The following PTPN13 variants were observed in gnomAD, a reference collection of about 807,000 sequenced individuals.
PTPN13 encodes the protein tyrosine-protein phosphatase non-receptor type 13.
A neutral mutation model predicts 284.0 loss-of-function variants in PTPN13; 191 were observed. The observed-to-expected ratio is 0.67, with a 90% CI of 0.60 to 0.76. The LOEUF (loss-of-function observed/expected upper bound fraction) is 0.76. Among genes scored for constraint, PTPN13 ranks in the 30% least tolerant of loss-of-function variants. PTPN13 has a pLI of 0.00. For missense variants in PTPN13, 2,797 were observed against 2,939.9 expected (o/e 0.95, Z 1.12); for synonymous variants, 986 against 1,022.3 (o/e 0.96, Z 0.68).
In PTPN13 at chr4:86,617,296, TA is replaced by T. The variant is rs139921638; in HGVS notation, c.-5-17955del. ...GTTGCACTGACCAGATTTTTCAAGT[TA>T]TATGTCTACAGACGGTCCTCGACTT... On this transcript the variant is annotated intron_variant, in intron 1 of 47. Transcript: ENST00000411767. Among the ~76,000 whole-genome samples the T allele has an allele frequency of 1.0e-3, 159 of 152,340 alleles. 2 individuals are homozygous for T. The East Asian group carries it at 0.03, about 29-fold the overall frequency.
chr4:86,622,294 T>G (rs1037835996), intron 1 of PTPN13, among the ~76,000 whole-genome samples: 1 of 152,210 alleles, frequency 6.6e-6, no homozygotes, highest in Non-Finnish European at 1.5e-5. Context: ...TAGATTTTTC[T>G]GCTAATTTAA....
chr4:86,602,684 T>C (rs545199855), intron 1 of PTPN13, among the ~76,000 whole-genome samples: 1 of 151,728 alleles, frequency 6.6e-6, no homozygotes, highest in East Asian at 1.9e-4. Context: ...CTACTATAAT[T>C]ATTTTTCTGA....
At chr4:86,637,946 A>C (rs1288179768) in intron 2 of PTPN13, among the ~76,000 whole-genome samples, 6 of 151,932 alleles carry the variant, frequency 3.9e-5, no homozygotes, top group African/African-American at 1.5e-4. Flanking sequence ...GTCTCAGCCC[A>C]AAATCTCCTT....
At chr4:86,721,029 T>A (rs1733595286) in intron 9 of PTPN13, among the ~76,000 whole-genome samples, 1 of 152,074 alleles carries the variant, frequency 6.6e-6, no homozygotes, top group African/African-American at 2.4e-5. Context: ...TGTGCCTCTC[T>A]GCTTGTTGAG....
At chr4:86,698,378 A>T (rs1451782630) in intron 6 of PTPN13, among the ~76,000 whole-genome samples, 2 of 152,168 alleles carry the variant, frequency 1.3e-5, no homozygotes, top group African/African-American at 4.8e-5. Flanking sequence ...GGGTCTTCTG[A>T]AATATAAGTA....
intron 5 of PTPN13, among the ~76,000 whole-genome samples, chr4:86,691,943 T>C (rs529016784): frequency 1.3e-5 from 2 of 152,318 alleles, no homozygotes; most frequent in African/African-American, 4.8e-5. Flanking sequence ...AATGTTATAA[T>C]ATTTGGACCA....
Position 86,701,453 on chromosome 4 carries a change from G to GAC in PTPN13, c.848_849insCA (p.Glu283AspfsTer48), listed in dbSNP as rs780661649. The GAC allele has an allele frequency of 8.1e-6, 13 of 1,613,160 alleles. No individual in the cohort carries two copies. Among genetic ancestry groups the GAC allele is most frequent in the Non-Finnish European group, 1.1e-5 (13 of 1,179,582 alleles). Reference sequence around the variant, plus strand: ...TTACCAGTTCAAAACTAGTGGCCCAGAAAAAAAACCCATCCCTGGCATTGA... The same window carrying GAC: ...TTACCAGTTCAAAACTAGTGGCCCAGACAAAAAAAACCCATCCCTGGCATTGA... On this transcript the variant is annotated frameshift_variant, in exon 7 of 48. Transcript: ENST00000411767. LOFTEE classifies it high-confidence loss of function.
intron 17 of PTPN13, among the ~76,000 whole-genome samples, chr4:86,747,549 GGCAGCAGCAGCAGCAGCA>G (rs78831573): frequency 1.4e-5 from 2 of 143,720 alleles, no homozygotes; most frequent in Non-Finnish European, 3.1e-5. Flanking sequence ...CAGCAGCAGC[GGCAGCAGCAGCAGCAGCA>G]GCAGCAGCAG....
intron 2 of PTPN13, among the ~76,000 whole-genome samples, chr4:86,645,844 A>C (rs1372901224): frequency 1.3e-5 from 2 of 152,158 alleles, no homozygotes; most frequent in Non-Finnish European, 2.9e-5. Flanking sequence ...TGTAAAATTC[A>C]TGTGGAAATT....
chr4:86,600,329 G>GT (rs1449061601), intron 1 of PTPN13, among the ~76,000 whole-genome samples: 3 of 147,100 alleles, frequency 2.0e-5, no homozygotes, highest in African/African-American at 7.5e-5. Flanking sequence ...CCTAATCAAA[G>GT]TTTTATTGGT....
intron 6 of PTPN13, among the ~76,000 whole-genome samples, chr4:86,701,025 T>A (rs1035497683): frequency 7.9e-5 from 12 of 152,190 alleles, no homozygotes; most frequent in African/African-American, 2.7e-4. Flanking sequence ...AGTATATTGC[T>A]TTTATTAGAT....
chr4:86,730,100 T>TG (rs1471798028), intron 10 of PTPN13, among the ~76,000 whole-genome samples: 1 of 149,762 alleles, frequency 6.7e-6, no homozygotes, highest in Non-Finnish European at 1.5e-5. Flanking sequence ...GCAGGTCTGT[T>TG]GGAGTTTGCT....
chr4:86,633,249 C>A (rs942051772), intron 1 of PTPN13, among the ~76,000 whole-genome samples: 3 of 152,166 alleles, frequency 2.0e-5, no homozygotes, highest in Non-Finnish European at 4.4e-5. Context: ...TGCTTCCTTG[C>A]CCCTCTCTTA....
At chr4:86,674,558 G>A (rs774591079) in intron 3 of PTPN13, among the ~76,000 whole-genome samples, 2 of 152,168 alleles carry the variant, frequency 1.3e-5, no homozygotes, top group African/African-American at 2.4e-5. Flanking sequence ...ACAAGAATTG[G>A]TAGAGTGAAT....
At chr4:86,705,994 A>G (rs1489323252) in intron 7 of PTPN13, among the ~76,000 whole-genome samples, 6 of 152,150 alleles carry the variant, frequency 3.9e-5, no homozygotes, top group African/African-American at 1.4e-4. Context: ...TCCTTAACCC[A>G]GGCCCCATTC....
intron 7 of PTPN13, among the ~76,000 whole-genome samples, chr4:86,704,691 A>G (rs1346891357): frequency 6.6e-6 from 1 of 152,220 alleles, no homozygotes; most frequent in African/African-American, 2.4e-5. Flanking sequence ...TTAAAAAAAA[A>G]TCTGCTTTCA....
chr4:86,766,046 T>G (rs1739274229), intron 26 of PTPN13, among the ~76,000 whole-genome samples: 1 of 152,162 alleles, frequency 6.6e-6, no homozygotes, highest in South Asian at 2.1e-4. Flanking sequence ...CAGGCTGGTC[T>G]CGAACTCCTG....
chr4:86,642,041 C>T (rs1345012124), intron 2 of PTPN13, among the ~76,000 whole-genome samples: 1 of 152,072 alleles, frequency 6.6e-6, no homozygotes, highest in East Asian at 1.9e-4. Context: ...TTGTGTGATA[C>T]ATGTGATGGC....
Position 86,722,206 on chromosome 4 carries a change from A to G in PTPN13, c.1386-6A>G, listed in dbSNP as rs1483212754. On this transcript the variant is annotated splice_region_variant and splice_polypyrimidine_tract_variant and intron_variant, in intron 9 of 47. Coordinates refer to ENST00000411767, the MANE Select transcript of PTPN13 (RefSeq NM_080683.3). Reference sequence around the variant, plus strand: ...AATCCTCACCTGTCTCCTCTTTTCTATATAGCAGACAATATGAAACACCCT... The same window carrying G: ...AATCCTCACCTGTCTCCTCTTTTCTGTATAGCAGACAATATGAAACACCCT... 3.1e-6 allele frequency: 5 copies of G among 1,603,432 alleles called. No homozygotes were observed. The African/African-American group carries it at 6.7e-5, about 21-fold the overall frequency.
Sources: gnomAD v4.1 joint callset for allele counts (sites outside exome capture counted in the v4.1 genomes callset) on GRCh38, gnomAD v4.1.1 for gene constraint, MANE v1.5 for transcripts, NCBI Gene and HGNC (gene_info 2026-07-23, HGNC 2026-07-21) for gene names.